The following DIP2C variants were observed in gnomAD, a reference collection of about 807,000 sequenced individuals.
DIP2C encodes disco-interacting protein 2 homolog C.
DIP2C carries 33 observed loss-of-function variants against 192.4 expected under a neutral mutation model. That is an observed-to-expected ratio of 0.17 (90% confidence interval 0.13 to 0.23). DIP2C has a LOEUF of 0.23. DIP2C is among the 10% of genes least tolerant of loss of function. The pLI is 1.00. For missense variants in DIP2C, 1,537 were observed against 2,110.1 expected (o/e 0.73, Z 5.32); for synonymous variants, 979 against 864.1 (o/e 1.13, Z -2.33).
rs2066316 is a variant in DIP2C at position 474,224 on chromosome 10, T to A, written c.158-1675A>T. 1.6e-3 allele frequency among the ~76,000 whole-genome samples: 242 copies of A among 152,260 alleles called. 3 individuals are homozygous for A. The highest frequency in any genetic ancestry group is 5.6e-3 in the African/African-American group (232 of 41,506). ...AACATGGACTTACCACATGACTTCC[T>A]GAATTGTCCTTTTTAGACACCACCC... On this transcript the variant is annotated intron_variant, in intron 2 of 36. Transcript: ENST00000280886.
At chr10:479,454 G>T (rs116350529) in intron 2 of DIP2C, among the ~76,000 whole-genome samples, 2,219 of 150,466 alleles carry the variant, frequency 0.015, 60 homozygotes, top group African/African-American at 0.051. Flanking sequence ...CTACCTCAGC[G>T]TCCCGAGGAG....
chr10:482,915 C>T (rs1481207997), intron 2 of DIP2C, among the ~76,000 whole-genome samples: 3 of 152,222 alleles, frequency 2.0e-5, no homozygotes, highest in East Asian at 1.9e-4. Context: ...CCCTAAGCAG[C>T]GTCTTCTCCC....
chr10:654,338 C>G (rs1856144722), intron 1 of DIP2C, among the ~76,000 whole-genome samples: 3 of 152,172 alleles, frequency 2.0e-5, no homozygotes, highest in Non-Finnish European at 2.9e-5. Context: ...CCCAGCTGGA[C>G]AGGTGAAGTC....
At chr10:320,286 G>C (rs559437458) in intron 31 of DIP2C, among the ~76,000 whole-genome samples, 1 of 152,246 alleles carries the variant, frequency 6.6e-6, no homozygotes, top group African/African-American at 2.4e-5. Context: ...GAGGTGGGAG[G>C]ATCACGAGGT....
At chr10:520,486 CAT>C (rs1451823940) in intron 1 of DIP2C, among the ~76,000 whole-genome samples, 3 of 152,240 alleles carry the variant, frequency 2.0e-5, no homozygotes, top group Non-Finnish European at 4.4e-5. Flanking sequence ...ACAACTTTTA[CAT>C]GAGATGCACA....
At chr10:343,139 A>G (rs529080420) in intron 28 of DIP2C, among the ~76,000 whole-genome samples, 82 of 152,328 alleles carry the variant, frequency 5.4e-4, no homozygotes, top group African/African-American at 1.8e-3. Context: ...CATACAAAAA[A>G]TTAGCTAGGG....
chr10:330,812 A>ATT (rs56343363), intron 29 of DIP2C, among the ~76,000 whole-genome samples: 2,078 of 133,358 alleles, frequency 0.016, 32 homozygotes, highest in Middle Eastern at 0.05. Flanking sequence ...AACCTACACA[A>ATT]TTTTTTTTTT....
At chr10:288,234 AC>A in intron 33 of DIP2C, 129 bp downstream of exon 33, 1 of 884,052 alleles carries the variant, frequency 1.1e-6, no homozygotes, top group Non-Finnish European at 1.8e-6. Flanking sequence ...TTCTATACTC[AC>A]TGATATGTTA....
intron 1 of DIP2C, among the ~76,000 whole-genome samples, chr10:550,644 G>A (rs1361653186): frequency 6.6e-6 from 1 of 152,168 alleles, no homozygotes; most frequent in Non-Finnish European, 1.5e-5. Flanking sequence ...TCTGCACTCT[G>A]CCTTCACACT....
intron 2 of DIP2C, among the ~76,000 whole-genome samples, chr10:475,537 C>T (rs756560723): frequency 2.6e-5 from 4 of 152,184 alleles, no homozygotes; most frequent in Non-Finnish European, 5.9e-5. Context: ...TTCCAGGCTG[C>T]TGCTCGGCTT....
At chr10:413,759 T>C (rs778546702) in intron 8 of DIP2C, among the ~76,000 whole-genome samples, 154 bp downstream of exon 8, 1 of 151,872 alleles carries the variant, frequency 6.6e-6, no homozygotes, top group Non-Finnish European at 1.5e-5. Context: ...GCTTCGTGCG[T>C]TCGGGAGTGG....
At chr10:366,179 G>A (rs1364778997) in intron 19 of DIP2C, 96 bp downstream of exon 19, 2 of 1,511,946 alleles carry the variant, frequency 1.3e-6, no homozygotes, top group Non-Finnish European at 1.8e-6. Context: ...TGCTAAAATG[G>A]ATCTTACATT....
intron 4 of DIP2C, among the ~76,000 whole-genome samples, chr10:434,965 C>T (rs551081743): frequency 1.3e-5 from 2 of 152,184 alleles, no homozygotes; most frequent in East Asian, 1.9e-4. Context: ...TTGTTTTTGT[C>T]GTTGTTGTTT....
chr10:475,923 A>G (rs1450107684), intron 2 of DIP2C, among the ~76,000 whole-genome samples: 1 of 152,218 alleles, frequency 6.6e-6, no homozygotes, highest in Non-Finnish European at 1.5e-5. Context: ...CTGCTGGAAC[A>G]GATACCTCTG....
chr10:357,545 T>A (rs1272459027), intron 23 of DIP2C, among the ~76,000 whole-genome samples: 1 of 152,216 alleles, frequency 6.6e-6, no homozygotes, highest in Non-Finnish European at 1.5e-5. Flanking sequence ...AAACTTTGTA[T>A]CTCCTATAAA....
chr10:576,484 G>A (rs932425735), intron 1 of DIP2C, among the ~76,000 whole-genome samples: 1 of 152,208 alleles, frequency 6.6e-6, no homozygotes, highest in Non-Finnish European at 1.5e-5. Context: ...CAGAAACAAT[G>A]CCCACCTCAC....
intron 17 of DIP2C, among the ~76,000 whole-genome samples, chr10:374,812 G>A (rs1372673672): frequency 6.6e-6 from 1 of 152,234 alleles, no homozygotes. Flanking sequence ...CCCATAGGCA[G>A]AATTCGAGGG....
chr10:416,904 G>A (rs1363509720), intron 6 of DIP2C, among the ~76,000 whole-genome samples: 2 of 152,124 alleles, frequency 1.3e-5, no homozygotes, highest in East Asian at 1.9e-4. Context: ...GCCCTTGTTC[G>A]CCCCCGCACT....
At chr10:582,233 C>A (rs1056832212) in intron 1 of DIP2C, among the ~76,000 whole-genome samples, 1 of 152,206 alleles carries the variant, frequency 6.6e-6, no homozygotes, top group Non-Finnish European at 1.5e-5. Flanking sequence ...CCGGCCAGCA[C>A]CCACACCAGC....
Sources: allele counts gnomAD v4.1 joint callset (sites outside exome capture counted in the v4.1 genomes callset), GRCh38; gene constraint gnomAD v4.1.1; transcripts MANE v1.5; gene names NCBI Gene and HGNC (gene_info 2026-07-23, HGNC 2026-07-21).